SHANK2: variants seen among roughly 807,000 people sequenced by gnomAD.
SHANK2 encodes the protein SH3 and multiple ankyrin repeat domains 2, also known as SH3 and multiple ankyrin repeat domains protein 2.
Under a neutral mutation model 133.7 loss-of-function variants are expected in SHANK2, and 43 were observed. The ratio of observed to expected loss-of-function variants is 0.32; its 90% CI spans 0.25 to 0.41. The LOEUF is 0.41. Among genes scored for constraint, SHANK2 ranks in the 10% least tolerant of loss-of-function variants. The pLI, the probability that SHANK2 is intolerant of heterozygous loss-of-function variation, is 1.00. For synonymous variants in SHANK2, 1,017 were observed against 952.8 expected (o/e 1.07, Z -1.24); for missense variants, 1,994 against 2,235.8 (o/e 0.89, Z 2.18).
intron 17 of SHANK2, among the ~76,000 whole-genome samples, chr11:70,573,742 C>T (rs942752459): frequency 2.6e-5 from 4 of 152,292 alleles, no homozygotes; most frequent in South Asian, 2.1e-4. Context: ...GGGCGCCAGC[C>T]GATGCCCCAA....
chr11:70,816,266 G>A (rs538139884), intron 12 of SHANK2, among the ~76,000 whole-genome samples: 2 of 152,240 alleles, frequency 1.3e-5, no homozygotes, highest in Non-Finnish European at 2.9e-5. Flanking sequence ...GAAAACAGAG[G>A]CACAGAACCA....
chr11:70,584,597 C>T (rs987254818), intron 17 of SHANK2, among the ~76,000 whole-genome samples: 5 of 152,140 alleles, frequency 3.3e-5, no homozygotes, highest in South Asian at 2.1e-4. Flanking sequence ...CAGCTGCCAA[C>T]GCTAAACCCA....
chr11:70,573,081 C>T (rs546128444), intron 17 of SHANK2, among the ~76,000 whole-genome samples: 24 of 152,068 alleles, frequency 1.6e-4, no homozygotes, highest in Non-Finnish European at 2.9e-4. Context: ...AACGGACTGC[C>T]GGAACACACA....
chr11:71,062,575 CA>C (rs1342562532), intron 9 of SHANK2, among the ~76,000 whole-genome samples: 2 of 152,180 alleles, frequency 1.3e-5, no homozygotes, highest in African/African-American at 4.8e-5. Flanking sequence ...CCAGCACCAG[CA>C]AAACCCAGAT....
intron 6 of SHANK2, among the ~76,000 whole-genome samples, chr11:71,096,940 T>C (rs1468283701): frequency 2.6e-5 from 4 of 152,186 alleles, no homozygotes; most frequent in African/African-American, 4.8e-5. Context: ...GAATTACAGA[T>C]GCCTGCAGCC....
Position 70,723,768 on chromosome 11 carries a change from T to C in SHANK2, c.1778-25005A>G, listed in dbSNP as rs565450306. Among the ~76,000 whole-genome samples, 257 of 152,306 alleles carry C rather than the reference T, an allele frequency of 1.7e-3. 2 individuals carry two copies. The highest frequency in any genetic ancestry group is 3.0e-3 in the Non-Finnish European group (202 of 68,026). Reference sequence around the variant, plus strand: ...CTATAAAATACTCTATGGGTGAAACTGTCTCTCCTAGACCTGAGGAAGAGG... The same window carrying C: ...CTATAAAATACTCTATGGGTGAAACCGTCTCTCCTAGACCTGAGGAAGAGG... On this transcript the variant is annotated intron_variant, in intron 14 of 25. Coordinates refer to ENST00000601538, the MANE Select transcript of SHANK2 (RefSeq NM_012309.5).
At chr11:71,236,560 C>T (rs1415872324) in intron 1 of SHANK2, among the ~76,000 whole-genome samples, 4 of 152,294 alleles carry the variant, frequency 2.6e-5, no homozygotes, top group African/African-American at 9.6e-5. Context: ...TGCAGTGAGC[C>T]GAGATCACGC....
intron 14 of SHANK2, among the ~76,000 whole-genome samples, chr11:70,795,023 G>C (rs1374567563): frequency 6.6e-6 from 1 of 152,098 alleles, no homozygotes; most frequent in East Asian, 1.9e-4. Flanking sequence ...CACGATCTTA[G>C]AACACCCAAG....
chr11:70,564,936 C>G (rs1439687927), intron 17 of SHANK2, among the ~76,000 whole-genome samples: 2 of 152,190 alleles, frequency 1.3e-5, no homozygotes, highest in Admixed American at 1.3e-4. Flanking sequence ...AAAATATCTT[C>G]TGTGTCTACA....
intron 25 of SHANK2, among the ~76,000 whole-genome samples, chr11:70,481,310 T>G (rs190484313): frequency 1.3e-5 from 2 of 152,236 alleles, no homozygotes; most frequent in Admixed American, 6.5e-5. Flanking sequence ...CATCCTTGAT[T>G]TCAGGGAAGA....
chr11:70,732,521 C>T (rs1215933327), intron 14 of SHANK2, among the ~76,000 whole-genome samples: 1 of 152,210 alleles, frequency 6.6e-6, no homozygotes, highest in East Asian at 1.9e-4. Context: ...TTCTGTGTCC[C>T]CCAGCCTCAC....
chr11:71,165,225 G>T (rs577347965), intron 2 of SHANK2, among the ~76,000 whole-genome samples: 10 of 151,848 alleles, frequency 6.6e-5, no homozygotes, highest in African/African-American at 1.7e-4. Flanking sequence ...TAGAGACGGG[G>T]GTCTCACCAT....
intron 17 of SHANK2, among the ~76,000 whole-genome samples, chr11:70,581,779 TAG>T (rs1215676090): frequency 6.6e-6 from 1 of 152,168 alleles, no homozygotes; most frequent in Non-Finnish European, 1.5e-5. Context: ...TCCATGAGTA[TAG>T]AGAGTCCAGC....
intron 15 of SHANK2, chr11:70,669,757 T>TA (rs1555015590): frequency 6.6e-6 from 1 of 152,288 alleles, no homozygotes. Flanking sequence ...CACGACCCAT[T>TA]TAAGCTGGTA....
intron 14 of SHANK2, among the ~76,000 whole-genome samples, chr11:70,714,251 G>A (rs1945861123): frequency 6.6e-6 from 1 of 152,250 alleles, no homozygotes; most frequent in Non-Finnish European, 1.5e-5. Context: ...CGGAGGAGAA[G>A]GAGAGAAAGA....
At chr11:70,770,915 CTTTTTTTTTTTT>C (rs71467419) in intron 14 of SHANK2, among the ~76,000 whole-genome samples, 30 of 92,854 alleles carry the variant, frequency 3.2e-4, no homozygotes, top group South Asian at 1.5e-3. Context: ...CTCTTACTTC[CTTTTTTTTTTTT>C]TTTTTTTTTT....
chr11:71,202,836 T>C (rs1565511798), intron 2 of SHANK2, among the ~76,000 whole-genome samples: 1 of 152,156 alleles, frequency 6.6e-6, no homozygotes, highest in African/African-American at 2.4e-5. Flanking sequence ...TCAATGAGCA[T>C]GCAAGGGGCA....
intron 3 of SHANK2, among the ~76,000 whole-genome samples, chr11:71,124,072 TG>T (rs1952127085): frequency 6.7e-6 from 1 of 148,522 alleles, no homozygotes; most frequent in South Asian, 2.2e-4. Context: ...ATGGTGATGA[TG>T]GAGATGTTGG....
chr11:70,647,825 C>T (rs1027123415), intron 17 of SHANK2, among the ~76,000 whole-genome samples: 2 of 152,164 alleles, frequency 1.3e-5, no homozygotes, highest in African/African-American at 4.8e-5. Flanking sequence ...CACTGAACAC[C>T]CGCCCATCCC....
Sources: allele counts gnomAD v4.1 joint callset (sites outside exome capture counted in the v4.1 genomes callset), GRCh38; gene constraint gnomAD v4.1.1; transcripts MANE v1.5; gene names NCBI Gene and HGNC (gene_info 2026-07-23, HGNC 2026-07-21).